MDFIC: variants seen among roughly 807,000 people sequenced by gnomAD.
The protein encoded by MDFIC is myoD family inhibitor domain-containing protein.
A neutral mutation model predicts 23.2 loss-of-function variants in MDFIC; 17 were observed. The ratio of observed to expected loss-of-function variants is 0.73; its 90% CI spans 0.50 to 1.10. The LOEUF (loss-of-function observed/expected upper bound fraction) is 1.10. Among genes scored for constraint, MDFIC ranks in the 50% least tolerant of loss-of-function variants. The pLI, the probability that MDFIC is intolerant of heterozygous loss-of-function variation, is 0.00. For synonymous variants in MDFIC, 120 were observed against 115.2 expected, an observed-to-expected ratio of 1.04 and a Z score of -0.27; for missense variants, 356 against 316.6, an observed-to-expected ratio of 1.12 and a Z score of -0.95.
At chr7:114,950,991 T>G (rs905037202) in intron 3 of MDFIC, among the ~76,000 whole-genome samples, 2 of 152,002 alleles carry the variant, frequency 1.3e-5, no homozygotes, top group East Asian at 3.9e-4. Flanking sequence ...CAGGGCAATA[T>G]AGTGAAACCC....
At chr7:115,005,364 T>C (rs1466405454) in intron 4 of MDFIC, among the ~76,000 whole-genome samples, 1 of 152,222 alleles carries the variant, frequency 6.6e-6, no homozygotes, top group Non-Finnish European at 1.5e-5. Flanking sequence ...GCCCCCACTA[T>C]GTTGTGTCCC....
At chr7:115,012,529 G>T (rs968550702) in intron 4 of MDFIC, among the ~76,000 whole-genome samples, 1 of 152,166 alleles carries the variant, frequency 6.6e-6, no homozygotes, top group African/African-American at 2.4e-5. Flanking sequence ...TATCTAATAA[G>T]ATTAAAGATG....
At position 114,978,126 on chromosome 7, in the gene MDFIC, C is replaced by T. The variant is rs555374152; in HGVS notation, c.218-1380C>T. ...ATATATGAGTCCCATATTTGGGGCT[C>T]AATAATTTCATAAGCTTCATTGGCT... is the stretch of plus-strand genomic sequence containing the variant. On this transcript the variant is annotated intron_variant, in intron 3 of 4. Transcript: ENST00000393486. Among the ~76,000 whole-genome samples, 3 of 151,694 alleles carry T rather than the reference C, an allele frequency of 2.0e-5. No homozygotes were observed. In the South Asian group the frequency reaches 6.2e-4, roughly 32 times the overall value.
intron 1 of MDFIC, 52 bp downstream of exon 1, chr7:114,922,688 G>C: frequency 1.5e-6 from 2 of 1,344,094 alleles, no homozygotes; most frequent in Non-Finnish European, 1.9e-6. Context: ...CCCCATCCCC[G>C]GGGTTCTCCC....
intron 4 of MDFIC, among the ~76,000 whole-genome samples, chr7:114,983,551 CT>C (rs1793454023): frequency 7.1e-6 from 1 of 140,446 alleles, no homozygotes; most frequent in Non-Finnish European, 1.5e-5. Context: ...GAAGCCTGCA[CT>C]TCATCAGGTA....
intron 3 of MDFIC, among the ~76,000 whole-genome samples, chr7:114,978,563 G>T (rs1793358964): frequency 6.6e-6 from 1 of 151,502 alleles, no homozygotes; most frequent in Non-Finnish European, 1.5e-5. Flanking sequence ...TATTTTTCTT[G>T]TTTATTTGTT....
chr7:114,992,873 T>C (rs919491630), intron 4 of MDFIC, among the ~76,000 whole-genome samples: 4 of 152,228 alleles, frequency 2.6e-5, no homozygotes, highest in Non-Finnish European at 4.4e-5. Flanking sequence ...TAAAATGAGT[T>C]AGGGAGGATT....
chr7:114,932,339 G>A lies in MDFIC; in HGVS notation c.94+9212G>A, dbSNP rs147499073. 2.9e-4 allele frequency among the ~76,000 whole-genome samples: 44 copies of A among 152,244 alleles called. No homozygotes were observed. The East Asian group carries it at 7.5e-3, about 26-fold the overall frequency. On this transcript the variant is annotated intron_variant, in intron 2 of 4. Coordinates refer to ENST00000393486, the MANE Select transcript of MDFIC (RefSeq NM_001166345.3). ...TGTGGAAAAGAAACTATAGATTTGC[G>A]AGAAATTGGGGAGTTGTTACTAGCA...
At chr7:115,007,270 A>T (rs1161420988) in intron 4 of MDFIC, among the ~76,000 whole-genome samples, 2 of 152,174 alleles carry the variant, frequency 1.3e-5, no homozygotes, top group African/African-American at 4.8e-5. Context: ...CACTGCTGTC[A>T]CAGTAATAAT....
chr7:114,922,289 A>C lies in MDFIC; in HGVS notation c.-455A>C. The C allele has an allele frequency of 1.2e-6, 1 of 858,288 alleles. No individual in the cohort carries two copies. The highest frequency in any genetic ancestry group is 6.1e-5 in the South Asian group (1 of 16,290). 53.2% of individuals were successfully genotyped at this position (858,288 alleles called of 1,614,324 possible). A position where few individuals can be genotyped will look rare whatever the true frequency, so the allele number is the denominator to read the frequency against. ...GGCCTTCCCGATCCGGATGTGATGA[A>C]AAAGAGCAACAGAGGGAGAAGTGTT... On this transcript the variant is annotated 5_prime_UTR_variant, in exon 1 of 5. Transcript: ENST00000393486.
intron 4 of MDFIC, among the ~76,000 whole-genome samples, chr7:114,987,390 A>G (rs1793533181): frequency 6.6e-6 from 1 of 152,214 alleles, no homozygotes; most frequent in East Asian, 1.9e-4. Flanking sequence ...ATAGGAGCTC[A>G]TGATATGACC....
Position 114,963,384 on chromosome 7 carries a change from G to A in MDFIC, c.218-16122G>A, listed in dbSNP as rs539422223. Among the ~76,000 whole-genome samples, 4 of 152,224 alleles carry A rather than the reference G, an allele frequency of 2.6e-5. No homozygotes were observed. In the South Asian group the frequency reaches 8.3e-4, roughly 32 times the overall value. On this transcript the variant is annotated intron_variant, in intron 3 of 4. Transcript: ENST00000393486. ...TCAGCAAATGTGCTGAGCCTTGTTC[G>A]GCTTCAGGGCTTTGCAGGTGTTGTT...
At position 114,947,843 on chromosome 7, in the gene MDFIC, G is replaced by A. The variant is rs34657244; in HGVS notation, c.217+5446G>A. Among the ~76,000 whole-genome samples the A allele has an allele frequency of 5.3e-3, 804 of 152,238 alleles. 8 individuals carry two copies. The highest frequency in any genetic ancestry group is 7.1e-3 in the Non-Finnish European group (483 of 68,012). On this transcript the variant is annotated intron_variant, in intron 3 of 4. Transcript: ENST00000393486. ...ATGATTATACAAGAAAATGCATATT[G>A]TATGCTTCCTTAGCACAAAGCAAAA...
rs1585088006 is a variant in MDFIC, at chr7:114,922,565, C to T, written c.-179C>T. ...AAATGCGGCCGCTGCCGGAGGCTCG[C>T]TAACTTTCCGGGGCGGAAGAGGAGG... is the stretch of plus-strand genomic sequence containing the variant. On this transcript the variant is annotated 5_prime_UTR_variant, in exon 1 of 5. Coordinates refer to ENST00000393486, the MANE Select transcript of MDFIC (RefSeq NM_001166345.3). The T allele has an allele frequency of 7.1e-6, 9 of 1,269,244 alleles. No individual in the cohort carries two copies. In the East Asian group the frequency reaches 9.1e-5, roughly 13 times the overall value. 78.6% of individuals were successfully genotyped at this position (1,269,244 alleles called of 1,614,324 possible).
Position 115,017,299 on chromosome 7 carries a change from A to G in MDFIC, c.*1364A>G, listed in dbSNP as rs2116164835. 6.6e-6 allele frequency: 1 copy of G among 152,314 alleles called. No homozygotes were observed. Among genetic ancestry groups the G allele is most frequent in the South Asian group, 2.1e-4 (1 of 4,832 alleles). The allele number at this position is 152,314 out of a possible 1,614,324, so 9.4% of individuals were successfully genotyped here. A position where few individuals can be genotyped will look rare whatever the true frequency, so the allele number is the denominator to read the frequency against. On this transcript the variant is annotated 3_prime_UTR_variant, in exon 5 of 5. Transcript: ENST00000393486. ...CATAATGCCTTAGTAAAATAGCTCT[A>G]TTTAATAAAGAAGATTGAGTACTCT... is the stretch of plus-strand genomic sequence containing the variant.
At chr7:115,013,782 A>G (rs1032188335) in intron 4 of MDFIC, among the ~76,000 whole-genome samples, 1 of 152,234 alleles carries the variant, frequency 6.6e-6, no homozygotes, top group Non-Finnish European at 1.5e-5. Flanking sequence ...AGATGAAAGT[A>G]TGGAAACAGT....
intron 4 of MDFIC, among the ~76,000 whole-genome samples, chr7:114,996,557 G>A (rs1791335929): frequency 6.6e-6 from 1 of 152,172 alleles, no homozygotes; most frequent in Non-Finnish European, 1.5e-5. Context: ...TTGGATAAGG[G>A]AGTTGGGAGT....
At chr7:114,994,285 G>A (rs540169252) in intron 4 of MDFIC, among the ~76,000 whole-genome samples, 3 of 147,096 alleles carry the variant, frequency 2.0e-5, no homozygotes, top group African/African-American at 4.9e-5. Flanking sequence ...CACACTGTTG[G>A]GTCTTGACTC....
intron 3 of MDFIC, among the ~76,000 whole-genome samples, chr7:114,963,132 G>A (rs1013180097): frequency 6.6e-6 from 1 of 151,952 alleles, no homozygotes; most frequent in South Asian, 2.1e-4. Context: ...GCCAATTTCT[G>A]GTCAGTTATA....
Sources: allele counts gnomAD v4.1 joint callset (sites outside exome capture counted in the v4.1 genomes callset), GRCh38; gene constraint gnomAD v4.1.1; transcripts MANE v1.5; gene names NCBI Gene and HGNC (gene_info 2026-07-23, HGNC 2026-07-21).